DPYD: variants seen among roughly 807,000 people sequenced by gnomAD.
The protein encoded by DPYD is dihydropyrimidine dehydrogenase, also known as dihydropyrimidine dehydrogenase [NADP(+)].
DPYD carries 109 observed loss-of-function variants against 116.2 expected under a neutral mutation model. That is an observed-to-expected ratio of 0.94 (90% CI 0.80 to 1.10). DPYD has a LOEUF of 1.10. DPYD is among the 50% of genes least tolerant of loss of function. DPYD has a pLI of 0.00. For missense variants in DPYD, 1,302 were observed against 1,254.5 expected (o/e 1.04, Z -0.57); for synonymous variants, 440 against 432.0 (o/e 1.02, Z -0.23).
chr1:97,907,089 T>G (rs74450569), intron 1 of DPYD, among the ~76,000 whole-genome samples: 1 of 152,062 alleles, frequency 6.6e-6, no homozygotes, highest in Non-Finnish European at 1.5e-5. Context: ...GACAAAGCGA[T>G]GAGTCATGGG....
intron 20 of DPYD, among the ~76,000 whole-genome samples, chr1:97,100,585 C>T (rs1650597007): frequency 6.6e-6 from 1 of 152,044 alleles, no homozygotes. Flanking sequence ...TTGGACTTTA[C>T]CTTACTCAAC....
At chr1:97,439,683 T>C (rs1675654869) in intron 14 of DPYD, among the ~76,000 whole-genome samples, 1 of 152,118 alleles carries the variant, frequency 6.6e-6, no homozygotes, top group African/African-American at 2.4e-5. Flanking sequence ...TCATTGATGT[T>C]CTCTATTTTT....
chr1:97,543,979 C>T (rs1045470023), intron 12 of DPYD, among the ~76,000 whole-genome samples: 1 of 152,042 alleles, frequency 6.6e-6, no homozygotes, highest in African/African-American at 2.4e-5. Context: ...GGGGAAAGGC[C>T]CAGATTCAGG....
At chr1:97,506,551 A>G (rs923425712) in intron 13 of DPYD, among the ~76,000 whole-genome samples, 23 of 151,920 alleles carry the variant, frequency 1.5e-4, no homozygotes, top group Non-Finnish European at 3.2e-4. Flanking sequence ...TAAAAAAGGA[A>G]ACTGAATAAG....
chr1:97,487,426 C>G (rs955924950), intron 13 of DPYD, among the ~76,000 whole-genome samples: 1 of 152,182 alleles, frequency 6.6e-6, no homozygotes, highest in Non-Finnish European at 1.5e-5. Flanking sequence ...GTAATCCCAG[C>G]ACTTTGGGAG....
chr1:97,834,944 T>C (rs992565024), intron 2 of DPYD, among the ~76,000 whole-genome samples: 1 of 152,070 alleles, frequency 6.6e-6, no homozygotes, highest in Non-Finnish European at 1.5e-5. Flanking sequence ...ACTGTCAATA[T>C]ATGATTTCCA....
At chr1:97,149,132 A>G (rs1290787040) in intron 20 of DPYD, among the ~76,000 whole-genome samples, 1 of 152,234 alleles carries the variant, frequency 6.6e-6, no homozygotes, top group Non-Finnish European at 1.5e-5. Flanking sequence ...ATATGTGTTG[A>G]TTATCATAAG....
At chr1:97,796,107 A>G (rs937971038) in intron 3 of DPYD, among the ~76,000 whole-genome samples, 12 of 152,156 alleles carry the variant, frequency 7.9e-5, no homozygotes, top group Admixed American at 6.5e-4. Flanking sequence ...CCCATTTTAC[A>G]GATGTATCCC....
chr1:97,803,748 C>T (rs1471576280), intron 3 of DPYD, among the ~76,000 whole-genome samples: 1 of 151,804 alleles, frequency 6.6e-6, no homozygotes, highest in Non-Finnish European at 1.5e-5. Flanking sequence ...TCTTGAAATT[C>T]ACTCCTGTAA....
chr1:97,445,995 G>A (rs1306610178), intron 14 of DPYD, among the ~76,000 whole-genome samples: 2 of 152,060 alleles, frequency 1.3e-5, no homozygotes, highest in Non-Finnish European at 2.9e-5. Context: ...CCAAAGTGCT[G>A]GGATTACAGG....
chr1:97,284,873 T>C (rs1258599282), intron 18 of DPYD, among the ~76,000 whole-genome samples: 6 of 152,200 alleles, frequency 3.9e-5, no homozygotes, highest in African/African-American at 4.8e-5. Flanking sequence ...TGCTGCTGTA[T>C]TTTTGATTCT....
intron 18 of DPYD, among the ~76,000 whole-genome samples, chr1:97,238,041 C>T (rs987061173): frequency 2.0e-5 from 3 of 152,018 alleles, no homozygotes; most frequent in Non-Finnish European, 4.4e-5. Context: ...ACCAGTGACA[C>T]TTAAAGGGCA....
intron 18 of DPYD, among the ~76,000 whole-genome samples, chr1:97,269,396 C>T (rs1352916035): frequency 6.6e-6 from 1 of 152,158 alleles, no homozygotes; most frequent in Admixed American, 6.5e-5. Context: ...CTAGCCTTCT[C>T]CTCCAAACTG....
chr1:97,609,946 A>G (rs1396610471), intron 8 of DPYD, among the ~76,000 whole-genome samples: 1 of 152,050 alleles, frequency 6.6e-6, no homozygotes, highest in Admixed American at 6.6e-5. Context: ...TTGTAAAAGT[A>G]TCTTCTAAGC....
intron 11 of DPYD, among the ~76,000 whole-genome samples, chr1:97,569,627 A>G (rs1272787029): frequency 1.3e-5 from 2 of 151,854 alleles, no homozygotes; most frequent in African/African-American, 2.4e-5. Flanking sequence ...ATGTGACGTG[A>G]TATGGAGTCG....
intron 20 of DPYD, among the ~76,000 whole-genome samples, chr1:97,140,338 G>C (rs1373101917): frequency 2.0e-5 from 3 of 152,062 alleles, no homozygotes; most frequent in Non-Finnish European, 4.4e-5. Context: ...TAACTACATT[G>C]AAAGCCCTGC....
intron 2 of DPYD, among the ~76,000 whole-genome samples, chr1:97,844,804 C>G (rs529627809): frequency 6.6e-6 from 1 of 152,336 alleles, no homozygotes; most frequent in South Asian, 2.1e-4. Flanking sequence ...TCTCAGGGGC[C>G]TGGGAAACCC....
In DPYD at chr1:97,306,255, C is replaced by T. The variant is rs760038956; in HGVS notation, c.2101G>A (p.Ala701Thr). The part of the protein sequence containing the change: ...VRNICRWVRQ[A>T]VQIPFFAKLT... ...TTGGCAAAAAAAGGAATCTGAACAG[C>T]TTGCCTAACCCAGCGGCAGATGTTC... is the stretch of plus-strand genomic sequence containing the variant. Residue 701 changes from alanine to threonine, a missense_variant, in exon 17 of 23, where the codon GCT (alanine) becomes ACT (threonine). Ala to Thr is a moderately conservative substitution (Grantham distance 58). Transcript: ENST00000370192. 2 of 1,612,548 alleles carry T rather than the reference C, an allele frequency of 1.2e-6. No individual in the cohort carries two copies. Among genetic ancestry groups the T allele is most frequent in the African/African-American group, 1.3e-5 (1 of 74,922 alleles).
At chr1:97,815,771 T>C (rs1403835704) in intron 3 of DPYD, among the ~76,000 whole-genome samples, 2 of 152,316 alleles carry the variant, frequency 1.3e-5, no homozygotes, top group Non-Finnish European at 2.9e-5. Flanking sequence ...ATGCACAATA[T>C]GCAAGTATGA....
Sources: gnomAD v4.1 joint callset for allele counts (sites outside exome capture counted in the v4.1 genomes callset) on GRCh38, gnomAD v4.1.1 for gene constraint, MANE v1.5 for transcripts, NCBI Gene and HGNC (gene_info 2026-07-23, HGNC 2026-07-21) for gene names.